The following PARD3B variants were observed in gnomAD, a reference collection of about 807,000 sequenced individuals.
PARD3B encodes partitioning defective 3 homolog B.
A neutral mutation model predicts 130.2 loss-of-function variants in PARD3B; 103 were observed. The observed-to-expected ratio is 0.79, with a 90% CI of 0.67 to 0.93. The LOEUF (loss-of-function observed/expected upper bound fraction) is 0.93. PARD3B is among the 40% of genes least tolerant of loss of function. The pLI is 0.00. For synonymous variants in PARD3B, 583 were observed against 553.2 expected, an observed-to-expected ratio of 1.05 and a Z score of -0.76; for missense variants, 1,609 against 1,499.2, an observed-to-expected ratio of 1.07 and a Z score of -1.21.
chr2:204,601,099 G>A (rs2033493058), intron 1 of PARD3B, among the ~76,000 whole-genome samples: 1 of 151,862 alleles, frequency 6.6e-6, no homozygotes, highest in Admixed American at 6.6e-5. Context: ...TAAAATATCT[G>A]ATGCATGGAA....
intron 4 of PARD3B, among the ~76,000 whole-genome samples, chr2:205,051,710 G>A (rs536944346): frequency 6.6e-6 from 1 of 152,258 alleles, no homozygotes; most frequent in South Asian, 2.1e-4. Flanking sequence ...GGTTATTTAA[G>A]ATGTACACTC....
intron 2 of PARD3B, among the ~76,000 whole-genome samples, chr2:204,757,765 G>A (rs1033856012): frequency 6.6e-6 from 1 of 152,060 alleles, no homozygotes; most frequent in Non-Finnish European, 1.5e-5. Flanking sequence ...TGTATGCTGA[G>A]TGCTTTTGAA....
intron 18 of PARD3B, among the ~76,000 whole-genome samples, chr2:205,327,450 A>C (rs1002952518): frequency 6.6e-6 from 1 of 152,196 alleles, no homozygotes; most frequent in Non-Finnish European, 1.5e-5. Flanking sequence ...AGTTCTGTAC[A>C]TTTGTTAATT....
At chr2:205,414,827 A>T (rs757117356) in intron 19 of PARD3B, among the ~76,000 whole-genome samples, 3 of 152,074 alleles carry the variant, frequency 2.0e-5, no homozygotes, top group Non-Finnish European at 4.4e-5. Context: ...AAGTGCTAAA[A>T]ATATATATAT....
chr2:205,468,761 T>C (rs1418872975), intron 20 of PARD3B, among the ~76,000 whole-genome samples: 2 of 152,156 alleles, frequency 1.3e-5, no homozygotes, highest in Admixed American at 1.3e-4. Context: ...CATTGTGCTT[T>C]CCCTCTGGCA....
intron 2 of PARD3B, among the ~76,000 whole-genome samples, chr2:204,873,756 C>T (rs1171018496): frequency 8.5e-5 from 13 of 152,276 alleles, no homozygotes; most frequent in African/African-American, 3.1e-4. Context: ...CGTAATGATT[C>T]TAGCTGCAAA....
intron 2 of PARD3B, among the ~76,000 whole-genome samples, chr2:204,832,964 G>C (rs2043884581): frequency 6.6e-6 from 1 of 152,196 alleles, no homozygotes; most frequent in Non-Finnish European, 1.5e-5. Flanking sequence ...GAACTGTACA[G>C]ATGTAAGGTA....
intron 1 of PARD3B, among the ~76,000 whole-genome samples, chr2:204,605,240 C>T (rs11894409): frequency 0.015 from 2,241 of 152,248 alleles, 53 homozygotes; most frequent in African/African-American, 0.051. Flanking sequence ...TTAGACTTTC[C>T]ATGCCAATGA....
intron 21 of PARD3B, among the ~76,000 whole-genome samples, chr2:205,512,390 C>G (rs1023246221): frequency 6.6e-5 from 10 of 152,140 alleles, no homozygotes; most frequent in Admixed American, 6.6e-4. Flanking sequence ...GAAATAGTCT[C>G]TTTTCTACTT....
rs1231212222 is a variant in PARD3B at position 205,113,563 on chromosome 2, A to G, written c.666A>G (p.Ser222=). The G allele has an allele frequency of 4.3e-6, 7 of 1,611,714 alleles. No homozygotes were observed. Among genetic ancestry groups the G allele is most frequent in the Non-Finnish European group, 5.9e-6 (7 of 1,178,382 alleles). The change falls in exon 6 of 23, where the codon TCA becomes TCG. Residue 222 remains serine (S), a synonymous_variant. Coordinates refer to ENST00000406610, the MANE Select transcript of PARD3B (RefSeq NM_001302769.2). The part of the protein sequence containing the change: ...PLGIHVVPFF[S]SLSGRILGLF... Reference sequence around the variant, plus strand: ...GAATACATGTAGTGCCCTTCTTTTCATCTCTGAGTGGAAGGTAAGATGTTT... The same window carrying G: ...GAATACATGTAGTGCCCTTCTTTTCGTCTCTGAGTGGAAGGTAAGATGTTT...
At chr2:204,575,975 T>C (rs1022171855) in intron 1 of PARD3B, among the ~76,000 whole-genome samples, 1 of 152,212 alleles carries the variant, frequency 6.6e-6, no homozygotes, top group Non-Finnish European at 1.5e-5. Flanking sequence ...CCATGTTAAT[T>C]GACTGTTAGT....
chr2:205,406,086 TA>T (rs1229830729), intron 19 of PARD3B, among the ~76,000 whole-genome samples: 1 of 152,204 alleles, frequency 6.6e-6, no homozygotes, highest in Non-Finnish European at 1.5e-5. Context: ...CAAGTCTTAT[TA>T]AAAATGTTGA....
intron 1 of PARD3B, among the ~76,000 whole-genome samples, chr2:204,618,813 A>C (rs2125125109): frequency 2.0e-5 from 3 of 152,254 alleles, no homozygotes; most frequent in Middle Eastern, 6.8e-3. Context: ...CTTGTTTGAC[A>C]GTCTTCATAT....
At chr2:205,571,861 C>T (rs779953586) in intron 22 of PARD3B, among the ~76,000 whole-genome samples, 24 of 152,144 alleles carry the variant, frequency 1.6e-4, no homozygotes, top group Non-Finnish European at 3.1e-4. Flanking sequence ...GATTAGAGTT[C>T]GATTTAGTGC....
chr2:204,816,195 C>T (rs2043140132), intron 2 of PARD3B, among the ~76,000 whole-genome samples: 3 of 151,924 alleles, frequency 2.0e-5, no homozygotes, highest in Admixed American at 6.6e-5. Flanking sequence ...TCCTTCTGAT[C>T]ATTGTGCTAT....
chr2:205,515,168 A>G (rs2050743521), intron 21 of PARD3B, among the ~76,000 whole-genome samples: 1 of 132,632 alleles, frequency 7.5e-6, no homozygotes, highest in African/African-American at 2.7e-5. Context: ...CACAAAAGAC[A>G]TGATCTCATT....
intron 2 of PARD3B, among the ~76,000 whole-genome samples, chr2:204,706,153 G>A (rs1326682139): frequency 2.0e-5 from 3 of 152,104 alleles, no homozygotes; most frequent in Non-Finnish European, 4.4e-5. Context: ...GGATCATGAG[G>A]TCAGGAGATC....
intron 20 of PARD3B, among the ~76,000 whole-genome samples, chr2:205,449,687 G>C (rs997201590): frequency 6.6e-6 from 1 of 152,190 alleles, no homozygotes; most frequent in African/African-American, 2.4e-5. Context: ...ATATATGGCA[G>C]CTGTAAAATT....
chr2:204,738,167 A>C (rs928324856), intron 2 of PARD3B, among the ~76,000 whole-genome samples: 13 of 152,086 alleles, frequency 8.5e-5, no homozygotes, highest in African/African-American at 2.7e-4. Flanking sequence ...TTTAGGCAGT[A>C]TGGTCATTTT....
Sources: allele counts gnomAD v4.1 joint callset (sites outside exome capture counted in the v4.1 genomes callset), GRCh38; gene constraint gnomAD v4.1.1; transcripts MANE v1.5; gene names NCBI Gene and HGNC (gene_info 2026-07-23, HGNC 2026-07-21).